Variants in TMEM132D observed in about 807,000 individuals in gnomAD.
TMEM132D encodes transmembrane protein 132D.
In TMEM132D, 21 loss-of-function variants were observed where a neutral mutation model predicts 62.3. That is an observed-to-expected ratio of 0.34 (90% CI 0.24 to 0.49). TMEM132D has a LOEUF of 0.49. Among genes scored for constraint, TMEM132D ranks in the 20% least tolerant of loss-of-function variants. The pLI, the probability that TMEM132D is intolerant of heterozygous loss-of-function variation, is 0.99. For synonymous variants in TMEM132D, 621 were observed against 575.6 expected, an observed-to-expected ratio of 1.08 and a Z score of -1.13; for missense variants, 1,346 against 1,402.8, an observed-to-expected ratio of 0.96 and a Z score of 0.65.
intron 1 of TMEM132D, chr12:129,853,292 G>A (rs781210678): frequency 1.3e-5 from 2 of 152,198 alleles, no homozygotes; most frequent in Non-Finnish European, 2.9e-5. Context: ...GGTTTCCTTG[G>A]ACAATGAAGA....
At chr12:129,152,102 C>T (rs1310091280) in intron 5 of TMEM132D, among the ~76,000 whole-genome samples, 1 of 152,116 alleles carries the variant, frequency 6.6e-6, no homozygotes, top group African/African-American at 2.4e-5. Context: ...GTCTCGATCT[C>T]TTGACCTCAT....
intron 2 of TMEM132D, among the ~76,000 whole-genome samples, chr12:129,562,446 A>G (rs1044355194): frequency 1.3e-5 from 2 of 152,202 alleles, no homozygotes; most frequent in Admixed American, 1.3e-4. Context: ...ACCTGTCAAC[A>G]GAGAACAGAT....
At chr12:129,709,198 G>A (rs1319702311) in intron 1 of TMEM132D, among the ~76,000 whole-genome samples, 1 of 152,118 alleles carries the variant, frequency 6.6e-6, no homozygotes, top group African/African-American at 2.4e-5. Flanking sequence ...CAAATTTCTG[G>A]GAGATGATTT....
chr12:129,343,694 T>C (rs1450511894), intron 3 of TMEM132D, among the ~76,000 whole-genome samples: 1 of 151,056 alleles, frequency 6.6e-6, no homozygotes, highest in Non-Finnish European at 1.5e-5. Context: ...GATGGATCAC[T>C]TGAGGTCAGG....
chr12:129,784,547 G>T (rs565621386), intron 1 of TMEM132D, among the ~76,000 whole-genome samples: 2 of 152,298 alleles, frequency 1.3e-5, no homozygotes, highest in Admixed American at 6.5e-5. Context: ...CCCATTTTCG[G>T]CATCTGTGCT....
chr12:129,463,860 A>C (rs980402424), intron 3 of TMEM132D, among the ~76,000 whole-genome samples: 38 of 151,384 alleles, frequency 2.5e-4, no homozygotes, highest in African/African-American at 9.2e-4. Context: ...ACATTTTCTT[A>C]ATCCAGTCTA....
At chr12:129,800,464 T>C (rs1265835442) in intron 1 of TMEM132D, among the ~76,000 whole-genome samples, 1 of 152,106 alleles carries the variant, frequency 6.6e-6, no homozygotes, top group Non-Finnish European at 1.5e-5. Flanking sequence ...ATGAGAGTCC[T>C]AGCCCCTCTC....
chr12:129,595,036 TAA>T (rs557961404), intron 2 of TMEM132D, among the ~76,000 whole-genome samples: 72 of 152,344 alleles, frequency 4.7e-4, no homozygotes, highest in African/African-American at 1.6e-3. Context: ...GCAAATGTGA[TAA>T]AGAGGTTACT....
chr12:129,497,352 T>C lies in TMEM132D; in HGVS notation c.1115+33707A>G, dbSNP rs554855487. ...TAAAACATACTGCTGCTGGTGCCTG[T>C]ATTCCTCTGAATTCCTTTGAAACTC... On this transcript the variant is annotated intron_variant, in intron 3 of 8. Transcript: ENST00000422113. Among the ~76,000 whole-genome samples, 3 of 152,232 alleles carry C rather than the reference T, an allele frequency of 2.0e-5. No individual in the cohort carries two copies. The South Asian group carries it at 6.2e-4, about 32-fold the overall frequency.
intron 3 of TMEM132D, among the ~76,000 whole-genome samples, chr12:129,463,341 T>C (rs1873746366): frequency 6.6e-6 from 1 of 152,012 alleles, no homozygotes; most frequent in African/African-American, 2.4e-5. Context: ...ATAATCATTA[T>C]CTTTAAACTT....
At position 129,209,518 on chromosome 12, in the gene TMEM132D, G is replaced by A; in HGVS notation, c.1443+2C>T. ...TGCAGGGGCGGGGAGGTGTCAACTTGCCTTAATCACGTCTTCATCAGACGA... is the reference window on the plus strand; with the variant it reads ...TGCAGGGGCGGGGAGGTGTCAACTTACCTTAATCACGTCTTCATCAGACGA... On this transcript the variant is annotated splice_donor_variant, in intron 5 of 8. Coordinates refer to ENST00000422113, the MANE Select transcript of TMEM132D (RefSeq NM_133448.3). LOFTEE classifies it low-confidence loss of function (GC_TO_GT_DONOR). 1 of 1,583,984 alleles carries A rather than the reference G, an allele frequency of 6.3e-7. No individual in the cohort carries two copies. The highest frequency in any genetic ancestry group is 1.1e-5 in the South Asian group (1 of 89,670).
intron 4 of TMEM132D, among the ~76,000 whole-genome samples, chr12:129,274,662 G>A (rs193214937): frequency 3.0e-4 from 46 of 152,108 alleles, no homozygotes; most frequent in East Asian, 1.4e-3. Flanking sequence ...TGAGGCGGGC[G>A]GATCACAAGG....
intron 4 of TMEM132D, among the ~76,000 whole-genome samples, chr12:129,290,664 G>C (rs1012954637): frequency 1.3e-5 from 2 of 152,168 alleles, no homozygotes; most frequent in African/African-American, 2.4e-5. Context: ...TTCTAATGAG[G>C]GGACAAGGTT....
intron 5 of TMEM132D, among the ~76,000 whole-genome samples, chr12:129,199,715 T>C (rs1408309642): frequency 6.6e-6 from 1 of 152,156 alleles, no homozygotes; most frequent in Non-Finnish European, 1.5e-5. Context: ...CAAAGGCATG[T>C]CTTACATGGT....
At chr12:129,878,580 C>CT (rs33919692) in intron 1 of TMEM132D, among the ~76,000 whole-genome samples, 104,165 of 144,378 alleles carry the variant, frequency 0.72, 38,288 homozygotes, top group South Asian at 0.87. Flanking sequence ...CTGCAGATTG[C>CT]TTTTTTTTTT....
chr12:129,797,736 T>C (rs1871609521), intron 1 of TMEM132D, among the ~76,000 whole-genome samples: 2 of 152,180 alleles, frequency 1.3e-5, no homozygotes, highest in South Asian at 2.1e-4. Context: ...TGTCCCTGGA[T>C]AACCTGGAAG....
At chr12:129,206,234 G>A (rs1246414755) in intron 5 of TMEM132D, among the ~76,000 whole-genome samples, 1 of 152,130 alleles carries the variant, frequency 6.6e-6, no homozygotes, top group Non-Finnish European at 1.5e-5. Flanking sequence ...TCCCGCACCT[G>A]TAAGGAAAAT....
chr12:129,592,129 A>C (rs1878205721), intron 2 of TMEM132D, among the ~76,000 whole-genome samples: 1 of 152,222 alleles, frequency 6.6e-6, no homozygotes, highest in Non-Finnish European at 1.5e-5. Flanking sequence ...TGATTATAAG[A>C]CATGTCTTAA....
At chr12:129,164,746 A>G (rs1190580713) in intron 5 of TMEM132D, among the ~76,000 whole-genome samples, 1 of 152,182 alleles carries the variant, frequency 6.6e-6, no homozygotes, top group Non-Finnish European at 1.5e-5. Context: ...TATCACAAGA[A>G]CAACATGGGG....
Sources: gnomAD v4.1 joint callset for allele counts (sites outside exome capture counted in the v4.1 genomes callset) on GRCh38, gnomAD v4.1.1 for gene constraint, MANE v1.5 for transcripts, NCBI Gene and HGNC (gene_info 2026-07-23, HGNC 2026-07-21) for gene names.